FAF1: variants seen among roughly 807,000 people sequenced by gnomAD.
The protein encoded by FAF1 is FAS-associated factor 1.
Under a neutral mutation model 92.5 loss-of-function variants are expected in FAF1, and 25 were observed. The observed-to-expected ratio is 0.27, with a 90% CI of 0.20 to 0.38. The LOEUF is 0.38. FAF1 is among the 10% of genes least tolerant of loss of function. The pLI is 1.00. For synonymous variants in FAF1, 234 were observed against 273.2 expected, an observed-to-expected ratio of 0.86 and a Z score of 1.42; for missense variants, 636 against 793.3, an observed-to-expected ratio of 0.80 and a Z score of 2.38.
chr1:50,787,501 T>C (rs1346162112), intron 4 of FAF1, among the ~76,000 whole-genome samples: 4 of 152,176 alleles, frequency 2.6e-5, no homozygotes, highest in African/African-American at 4.8e-5. Context: ...CAACGTGCCA[T>C]ATTGTAAACA....
chr1:50,899,120 A>C (rs1644777138), intron 1 of FAF1, among the ~76,000 whole-genome samples: 1 of 152,074 alleles, frequency 6.6e-6, no homozygotes, highest in Non-Finnish European at 1.5e-5. Context: ...ATACAAGTTC[A>C]CTAGTATTTT....
At chr1:50,912,123 A>G (rs1330019637) in intron 1 of FAF1, among the ~76,000 whole-genome samples, 1 of 152,178 alleles carries the variant, frequency 6.6e-6, no homozygotes, top group Non-Finnish European at 1.5e-5. Flanking sequence ...TGACAACAAC[A>G]TCATTTCAAA....
In FAF1 at chr1:50,948,534, C is replaced by CTT. The variant is rs1167611825; in HGVS notation, c.45+11231_45+11232dup. ...TCTTATTTCTTTTTCTTTTCTTTTT[C>CTT]TTTTTTTTTTTTTTTTGAGGCAGAG... On this transcript the variant is annotated intron_variant, in intron 1 of 18. Transcript: ENST00000396153. Among the ~76,000 whole-genome samples the CTT allele has an allele frequency of 3.2e-3, 443 of 139,070 alleles. 6 individuals are homozygous for CTT. Among genetic ancestry groups the CTT allele is most frequent in the African/African-American group, 0.011 (421 of 37,652 alleles). 91.2% of individuals were successfully genotyped at this position (139,070 alleles called of 152,430 possible).
At chr1:50,540,127 C>A (rs547889492) in intron 13 of FAF1, among the ~76,000 whole-genome samples, 1 of 152,006 alleles carries the variant, frequency 6.6e-6, no homozygotes, top group Non-Finnish European at 1.5e-5. Flanking sequence ...CCCGCCACCA[C>A]ACCTGGCTAA....
At chr1:50,929,411 T>C (rs938542121) in intron 1 of FAF1, among the ~76,000 whole-genome samples, 5 of 152,200 alleles carry the variant, frequency 3.3e-5, no homozygotes, top group African/African-American at 9.6e-5. Context: ...GTTTTATGAA[T>C]ATATGTGAAC....
chr1:50,715,440 TAAAC>T (rs767794833), intron 6 of FAF1, among the ~76,000 whole-genome samples: 2 of 151,942 alleles, frequency 1.3e-5, no homozygotes, highest in Non-Finnish European at 2.9e-5. Context: ...TGTCTCAAAA[TAAAC>T]AAACAGATAA....
intron 17 of FAF1, among the ~76,000 whole-genome samples, chr1:50,487,492 A>G (rs577671777): frequency 2.8e-4 from 43 of 152,260 alleles, no homozygotes; most frequent in African/African-American, 1.0e-3. Context: ...GTTTCTTGAA[A>G]CTGATTTTGG....
At chr1:50,816,361 T>C (rs1452748281) in intron 2 of FAF1, among the ~76,000 whole-genome samples, 3 of 151,804 alleles carry the variant, frequency 2.0e-5, no homozygotes, top group Non-Finnish European at 4.4e-5. Context: ...CCTGCCACTA[T>C]GCCCGGCTAA....
At chr1:50,484,404 G>A (rs767303717) in intron 17 of FAF1, among the ~76,000 whole-genome samples, 6 of 152,042 alleles carry the variant, frequency 3.9e-5, no homozygotes, top group Non-Finnish European at 8.8e-5. Context: ...TGAGAACAAC[G>A]GAACACTTCA....
chr1:50,915,703 T>C (rs1198845783), intron 1 of FAF1, among the ~76,000 whole-genome samples: 1 of 151,998 alleles, frequency 6.6e-6, no homozygotes, highest in East Asian at 1.9e-4. Context: ...CTAACCTTCC[T>C]CTTAACCTTC....
At chr1:50,716,857 A>G (rs1223959823) in intron 6 of FAF1, among the ~76,000 whole-genome samples, 2 of 152,114 alleles carry the variant, frequency 1.3e-5, no homozygotes, top group Non-Finnish European at 2.9e-5. Context: ...GTGGCGACCC[A>G]CTCGGGTCCC....
chr1:50,737,683 C>A (rs1278843757), intron 6 of FAF1, among the ~76,000 whole-genome samples: 1 of 152,170 alleles, frequency 6.6e-6, no homozygotes, highest in South Asian at 2.1e-4. Context: ...CAACTATTAA[C>A]AGACCATCCA....
At position 50,535,808 on chromosome 1, in the gene FAF1, T is replaced by G. The variant is rs550149766; in HGVS notation, c.1406-351A>C. Among the ~76,000 whole-genome samples the G allele has an allele frequency of 3.3e-5, 5 of 152,350 alleles. 1 individual carries two copies. In the South Asian group the frequency reaches 1.0e-3, roughly 32 times the overall value. ...AATAACACTAGCAACAACTACCAATTGTTTATATATCACTGATTAGGCTAA... is the reference window on the plus strand; with the variant it reads ...AATAACACTAGCAACAACTACCAATGGTTTATATATCACTGATTAGGCTAA... On this transcript the variant is annotated intron_variant, in intron 14 of 18. Transcript: ENST00000396153.
chr1:50,707,958 C>T (rs1282539770), intron 6 of FAF1, among the ~76,000 whole-genome samples: 9 of 152,068 alleles, frequency 5.9e-5, no homozygotes, highest in East Asian at 1.9e-4. Flanking sequence ...GAGCTGCGTG[C>T]GCCACCACGC....
At chr1:50,596,015 A>C in intron 9 of FAF1, 106 bp downstream of exon 9, 3 of 728,070 alleles carry the variant, frequency 4.1e-6, no homozygotes, top group Non-Finnish European at 7.1e-6. Flanking sequence ...TTAATGCTAC[A>C]TTAACTTTAT....
chr1:50,701,848 T>G (rs994314768), intron 7 of FAF1, among the ~76,000 whole-genome samples: 8 of 152,050 alleles, frequency 5.3e-5, no homozygotes, highest in Non-Finnish European at 1.2e-4. Flanking sequence ...GGTTGCCAAT[T>G]TTCCCCTTTC....
intron 7 of FAF1, among the ~76,000 whole-genome samples, chr1:50,682,225 G>A (rs989403189): frequency 2.0e-5 from 3 of 152,048 alleles, no homozygotes; most frequent in Non-Finnish European, 4.4e-5. Context: ...GTGAGGCTGG[G>A]TGCAGTCCTC....
chr1:50,457,601 T>G (rs1410196357), intron 18 of FAF1, among the ~76,000 whole-genome samples: 6 of 151,696 alleles, frequency 4.0e-5, no homozygotes, highest in Admixed American at 2.0e-4. Flanking sequence ...CTTATTTGAT[T>G]TCTTGGTCAG....
At chr1:50,444,109 C>T (rs1035024662) in intron 18 of FAF1, among the ~76,000 whole-genome samples, 2 of 152,166 alleles carry the variant, frequency 1.3e-5, no homozygotes, top group Non-Finnish European at 2.9e-5. Flanking sequence ...CAAGGACAAT[C>T]TCTATTTCCA....
Sources: allele counts gnomAD v4.1 joint callset (sites outside exome capture counted in the v4.1 genomes callset), GRCh38; gene constraint gnomAD v4.1.1; transcripts MANE v1.5; gene names NCBI Gene and HGNC (gene_info 2026-07-23, HGNC 2026-07-21).